The following ADAMTS14 variants were observed in gnomAD, a reference collection of about 807,000 sequenced individuals.
ADAMTS14 encodes ADAM metallopeptidase with thrombospondin type 1 motif 14, also known as A disintegrin and metalloproteinase with thrombospondin motifs 14.
Under a neutral mutation model 128.6 loss-of-function variants are expected in ADAMTS14, and 100 were observed. The observed-to-expected ratio is 0.78, with a 90% CI of 0.66 to 0.92. The LOEUF is 0.92. Ranked by LOEUF, ADAMTS14 falls within the 40% of genes least tolerant of loss-of-function variation. The pLI, the probability that ADAMTS14 is intolerant of heterozygous loss-of-function variation, is 0.00. For missense variants in ADAMTS14, 1,562 were observed against 1,658.6 expected, an observed-to-expected ratio of 0.94 and a Z score of 1.01; for synonymous variants, 665 against 653.8, an observed-to-expected ratio of 1.02 and a Z score of -0.26.
chr10:70,749,782 G>A, intron 15 of ADAMTS14, 40 bp from the exon 16 acceptor site: 1 of 1,602,910 alleles, frequency 6.2e-7, no homozygotes, highest in East Asian at 2.2e-5. Flanking sequence ...CCTGTGGAGA[G>A]GAGCAGAAAT....
chr10:70,672,794 C>T lies in ADAMTS14; in HGVS notation c.-9C>T, dbSNP rs1839519800. On this transcript the variant is annotated 5_prime_UTR_variant, in exon 1 of 22. Transcript: ENST00000373207. ...GGCGCTTGCCCAGCCCGCGTCCCAG[C>T]GCGGCCACATGGCTCCACTCCGCGC... The T allele has an allele frequency of 6.0e-6, 9 of 1,501,212 alleles. No individual in the cohort carries two copies. Among genetic ancestry groups the T allele is most frequent in the Admixed American group, 2.2e-5 (1 of 45,960 alleles). 93.0% of individuals were successfully genotyped at this position (1,501,212 alleles called of 1,614,324 possible).
At chr10:70,734,090 A>G in intron 8 of ADAMTS14, 62 bp downstream of exon 8, 1 of 1,573,204 alleles carries the variant, frequency 6.4e-7, no homozygotes, top group South Asian at 1.1e-5. Flanking sequence ...CTCTGAGCAG[A>G]CATCACACAG....
rs760264641 is a variant in ADAMTS14 at position 70,730,175 on chromosome 10, A to G, written c.1028A>G (p.Gln343Arg). ...EQVCRWAHSQ[Q>R]RQDPSHAEHH... ...GTGTGTCGCTGGGCACACTCCCAGC[A>G]GCGCCAGGACCCCAGCCACGCTGAG... is the stretch of plus-strand genomic sequence containing the variant. The change falls in exon 6 of 22, where the codon CAG becomes CGG. Residue 343 changes from glutamine to arginine, a missense_variant. Physicochemically the swap from Gln to Arg is conservative, Grantham distance 43. Transcript: ENST00000373207. 1 of 1,613,786 alleles carries G rather than the reference A, an allele frequency of 6.2e-7. No homozygotes were observed. Among genetic ancestry groups the G allele is most frequent in the South Asian group, 1.1e-5 (1 of 91,080 alleles).
rs770576867 is a variant in ADAMTS14 at position 70,749,963 on chromosome 10, T to G, written c.2405T>G (p.Leu802Arg). 6 of 1,614,084 alleles carry G rather than the reference T, an allele frequency of 3.7e-6. No homozygotes were observed. Among genetic ancestry groups the G allele is most frequent in the Non-Finnish European group, 5.1e-6 (6 of 1,180,002 alleles). Residue 802 changes from leucine to arginine, a missense_variant, in exon 16 of 22, where the codon CTG (leucine) becomes CGG (arginine). Physicochemically the swap from Leu to Arg is moderately radical, Grantham distance 102 (BLOSUM62 -2). Coordinates refer to ENST00000373207, the MANE Select transcript of ADAMTS14 (RefSeq NM_080722.4). ...GAAAGCCTCAAGACCAGCGGGCCCC[T>G]GCCTGAAGCCATTGCCATCCTGGTG... ...AKESLKTSGP[L>R]PEAIAILALP... is the part of the protein sequence containing the mutation.
chr10:70,715,950 T>G (rs1453536309), intron 4 of ADAMTS14, among the ~76,000 whole-genome samples: 1 of 152,190 alleles, frequency 6.6e-6, no homozygotes, highest in East Asian at 1.9e-4. Flanking sequence ...AGGACTTTAC[T>G]GTTGGAGGAA....
chr10:70,752,523 G>C (rs1057335280), intron 18 of ADAMTS14, among the ~76,000 whole-genome samples: 2 of 152,200 alleles, frequency 1.3e-5, no homozygotes, highest in Non-Finnish European at 2.9e-5. Context: ...TGAGCACAAG[G>C]ATGACCTTGG....
chr10:70,709,524 G>A (rs1351556054), intron 4 of ADAMTS14, among the ~76,000 whole-genome samples: 4 of 89,256 alleles, frequency 4.5e-5, no homozygotes, highest in African/African-American at 1.7e-4. Flanking sequence ...TTTTTGAGAC[G>A]GAGTCTGGCT....
chr10:70,727,192 G>A lies in ADAMTS14; in HGVS notation c.871-2102G>A, dbSNP rs190129286. Among the ~76,000 whole-genome samples, 357 of 152,330 alleles carry A rather than the reference G, an allele frequency of 2.3e-3. 2 individuals carry two copies. Among genetic ancestry groups the A allele is most frequent in the African/African-American group, 8.1e-3 (335 of 41,568 alleles). ...CGCGGCTTCTGCTGCCCACAGTTTCGTGCTTACAGCCTGGCTGCCTCCTTG... is the reference window on the plus strand; with the variant it reads ...CGCGGCTTCTGCTGCCCACAGTTTCATGCTTACAGCCTGGCTGCCTCCTTG... On this transcript the variant is annotated intron_variant, in intron 4 of 21. Transcript: ENST00000373207.
intron 2 of ADAMTS14, among the ~76,000 whole-genome samples, chr10:70,695,484 C>G (rs943017961): frequency 6.6e-6 from 1 of 152,100 alleles, no homozygotes; most frequent in Non-Finnish European, 1.5e-5. Context: ...ACAACAGCCC[C>G]GGATGGCCCA....
chr10:70,735,621 G>A (rs774991621), intron 9 of ADAMTS14, among the ~76,000 whole-genome samples: 1 of 152,208 alleles, frequency 6.6e-6, no homozygotes, highest in Non-Finnish European at 1.5e-5. Context: ...CTGGCCTGGT[G>A]GAGCAGCAGG....
Position 70,688,888 on chromosome 10 carries a change from AGGGG to A in ADAMTS14, c.523-13422_523-13419del, listed in dbSNP as rs1237540031. Among the ~76,000 whole-genome samples the A allele has an allele frequency of 7.9e-5, 2 of 25,384 alleles. 1 individual carries two copies. The highest frequency in any genetic ancestry group is 4.7e-4 in the African/African-American group (2 of 4,226). The allele number at this position is 25,384 out of a possible 152,430, so 16.7% of individuals were successfully genotyped here. A position where few individuals can be genotyped will look rare whatever the true frequency, so the allele number is the denominator to read the frequency against. Reference sequence around the variant, plus strand: ...GAGGGGGAGGGGGAGGGGGAGGGGGAGGGGGAGGGAGAGGGAGAGCCTTTGCTTT... The same window carrying A: ...GAGGGGGAGGGGGAGGGGGAGGGGGAGAGGGAGAGGGAGAGCCTTTGCTTT... On this transcript the variant is annotated intron_variant, in intron 2 of 21. Coordinates refer to ENST00000373207, the MANE Select transcript of ADAMTS14 (RefSeq NM_080722.4).
At chr10:70,682,458 C>A (rs1181600291) in intron 2 of ADAMTS14, among the ~76,000 whole-genome samples, 1 of 152,188 alleles carries the variant, frequency 6.6e-6, no homozygotes, top group Non-Finnish European at 1.5e-5. Context: ...ACCCTGGAAC[C>A]AGCCCGCCTG....
At chr10:70,702,969 C>G (rs1338908395) in intron 3 of ADAMTS14, among the ~76,000 whole-genome samples, 1 of 152,218 alleles carries the variant, frequency 6.6e-6, no homozygotes, top group East Asian at 1.9e-4. Context: ...CCTAAGATTT[C>G]TGAGCCCTCA....
At chr10:70,696,376 G>A (rs1840333274) in intron 2 of ADAMTS14, among the ~76,000 whole-genome samples, 1 of 151,972 alleles carries the variant, frequency 6.6e-6, no homozygotes, top group South Asian at 2.1e-4. Flanking sequence ...TTGGGGGTCT[G>A]AGCCATTTGG....
chr10:70,748,942 A>C (rs761200240), intron 15 of ADAMTS14, among the ~76,000 whole-genome samples: 1 of 152,206 alleles, frequency 6.6e-6, no homozygotes, highest in Non-Finnish European at 1.5e-5. Flanking sequence ...AGGTGTTGGC[A>C]TCTACATGTC....
At chr10:70,753,659 G>T in intron 18 of ADAMTS14, 141 bp from the exon 19 acceptor site, 1 of 837,462 alleles carries the variant, frequency 1.2e-6, no homozygotes, top group Non-Finnish European at 1.8e-6. Context: ...GAGCCAGGTG[G>T]ACAGTTGTCC....
At chr10:70,750,017 G>C (rs1385932824) in intron 16 of ADAMTS14, 32 bp downstream of exon 16, 1 of 1,606,738 alleles carries the variant, frequency 6.2e-7, no homozygotes. Context: ...GGCAACCCCT[G>C]CCCACCCCAC....
At chr10:70,703,294 T>G (rs962506413) in intron 3 of ADAMTS14, among the ~76,000 whole-genome samples, 2 of 152,160 alleles carry the variant, frequency 1.3e-5, no homozygotes, top group Non-Finnish European at 2.9e-5. Context: ...AACTTCACAG[T>G]GTCACAAAGC....
chr10:70,698,352 G>C (rs915478398), intron 2 of ADAMTS14, among the ~76,000 whole-genome samples: 53 of 152,238 alleles, frequency 3.5e-4, no homozygotes, highest in African/African-American at 1.2e-3. Context: ...TTAATGAGGA[G>C]GCAGAGAGCC....
Sources: gnomAD v4.1 joint callset for allele counts (sites outside exome capture counted in the v4.1 genomes callset) on GRCh38, gnomAD v4.1.1 for gene constraint, MANE v1.5 for transcripts, NCBI Gene and HGNC (gene_info 2026-07-23, HGNC 2026-07-21) for gene names.